The following CLPB variants were observed in gnomAD, a reference collection of about 807,000 sequenced individuals.
The protein encoded by CLPB is mitochondrial disaggregase.
Under a neutral mutation model 78.4 loss-of-function variants are expected in CLPB, and 40 were observed. The ratio of observed to expected loss-of-function variants is 0.51; its 90% CI spans 0.40 to 0.66. CLPB has a LOEUF of 0.66. CLPB is among the 30% of genes least tolerant of loss of function. The pLI is 0.00. For missense variants in CLPB, 780 were observed against 886.9 expected (o/e 0.88, Z 1.53); for synonymous variants, 333 against 348.0 (o/e 0.96, Z 0.48).
intron 7 of CLPB, among the ~76,000 whole-genome samples, chr11:72,316,186 G>A (rs1350590154): frequency 6.6e-6 from 1 of 152,210 alleles, no homozygotes; most frequent in African/African-American, 2.4e-5. Context: ...TTAAACTTCA[G>A]CTGAGTGTCA....
chr11:72,416,735 CAA>C (rs35655496), intron 2 of CLPB, among the ~76,000 whole-genome samples: 14 of 50,642 alleles, frequency 2.8e-4, no homozygotes, highest in African/African-American at 5.2e-4. Flanking sequence ...GACTCCGTCT[CAA>C]AAAAAAAAAA....
At chr11:72,306,843 G>A in intron 9 of CLPB, among the ~76,000 whole-genome samples, 1 of 152,184 alleles carries the variant, frequency 6.6e-6, no homozygotes, top group Non-Finnish European at 1.5e-5. Context: ...TGGAGCAGGG[G>A]GAGTGTCTTA....
intron 5 of CLPB, among the ~76,000 whole-genome samples, chr11:72,344,269 C>A (rs112355881): frequency 2.0e-5 from 3 of 152,098 alleles, no homozygotes; most frequent in Non-Finnish European, 4.4e-5. Context: ...AGTGCAGTGG[C>A]GCAATCTCAG....
rs139422764 is a variant in CLPB, at chr11:72,336,870, G to A, written c.776-7066C>T. Reference sequence around the variant, plus strand: ...AGCCATGCACCTTCCCTGTGTCCACGCTCAGCTCCACTCTGTCCCCACCTG... The same window carrying A: ...AGCCATGCACCTTCCCTGTGTCCACACTCAGCTCCACTCTGTCCCCACCTG... On this transcript the variant is annotated intron_variant, in intron 5 of 15. Coordinates refer to ENST00000538039, the MANE Select transcript of CLPB (RefSeq NM_001258392.3). 440 of 384,872 alleles carry A rather than the reference G, an allele frequency of 1.1e-3. 1 individual carries two copies. The highest frequency in any genetic ancestry group is 8.0e-3 in the African/African-American group (388 of 48,382). 23.8% of individuals were successfully genotyped at this position (384,872 alleles called of 1,614,324 possible). A position where few individuals can be genotyped will look rare whatever the true frequency, so the allele number is the denominator to read the frequency against.
At chr11:72,424,038 T>C (rs759332755) in intron 2 of CLPB, among the ~76,000 whole-genome samples, 19 of 152,250 alleles carry the variant, frequency 1.2e-4, no homozygotes, top group Non-Finnish European at 2.5e-4. Flanking sequence ...ATTTATGCTG[T>C]TTATAAACCA....
At chr11:72,380,412 T>G in intron 3 of CLPB, 28 bp from the exon 4 acceptor site, 6 of 1,594,806 alleles carry the variant, frequency 3.8e-6, no homozygotes, top group Non-Finnish European at 5.2e-6. Flanking sequence ...GACAGAAGTG[T>G]CAAAAGCAAG....
At chr11:72,422,985 T>C (rs1013577132) in intron 2 of CLPB, among the ~76,000 whole-genome samples, 1 of 152,140 alleles carries the variant, frequency 6.6e-6, no homozygotes, top group Non-Finnish European at 1.5e-5. Context: ...TAAATATGTT[T>C]ACCCCTCAAC....
chr11:72,430,222 T>C, intron 2 of CLPB, 90 bp downstream of exon 2: 1 of 1,262,582 alleles, frequency 7.9e-7, no homozygotes, highest in Non-Finnish European at 1.1e-6. Flanking sequence ...AGGGTAAGGA[T>C]TTCCTCCAAA....
intron 4 of CLPB, chr11:72,372,953 G>A (rs1806251860): frequency 1.2e-6 from 2 of 1,614,174 alleles, no homozygotes; most frequent in African/African-American, 1.3e-5. Flanking sequence ...GCCATCTCCT[G>A]AACTCCAGGG....
intron 11 of CLPB, among the ~76,000 whole-genome samples, chr11:72,299,683 G>A (rs1158189329): frequency 1.3e-5 from 2 of 152,172 alleles, no homozygotes; most frequent in Non-Finnish European, 2.9e-5. Context: ...CTGACTTTGT[G>A]GGCTCTGGGA....
At chr11:72,336,421 T>A (rs904085335) in intron 5 of CLPB, among the ~76,000 whole-genome samples, 9 of 152,146 alleles carry the variant, frequency 5.9e-5, no homozygotes, top group Non-Finnish European at 1.2e-4. Context: ...GGGGAGCCAG[T>A]GAGGGGCCGC....
At chr11:72,328,386 T>C (rs533410583) in intron 6 of CLPB, among the ~76,000 whole-genome samples, 1 of 152,366 alleles carries the variant, frequency 6.6e-6, no homozygotes, top group East Asian at 1.9e-4. Flanking sequence ...ATCTAGCTTA[T>C]CCTGACTGAT....
intron 4 of CLPB, among the ~76,000 whole-genome samples, chr11:72,376,673 GT>G (rs1222280573): frequency 6.6e-6 from 1 of 150,446 alleles, no homozygotes; most frequent in Admixed American, 6.6e-5. Context: ...ACAGTTGTTT[GT>G]TTTTGTTTTT....
chr11:72,306,976 A>G lies in CLPB; in HGVS notation c.1122+223T>C, dbSNP rs142266593. 4.6e-5 allele frequency among the ~76,000 whole-genome samples: 7 copies of G among 152,284 alleles called. No homozygotes were observed. The East Asian group carries it at 1.2e-3, about 25-fold the overall frequency. ...AGGCAGGGCAAGGATTATTATTCCT[A>G]TTTTACAGATGAAGAAACTGAGGCA... On this transcript the variant is annotated intron_variant, in intron 9 of 15. Transcript: ENST00000538039.
At chr11:72,364,039 T>C (rs983607041) in intron 4 of CLPB, among the ~76,000 whole-genome samples, 1 of 152,174 alleles carries the variant, frequency 6.6e-6, no homozygotes, top group Non-Finnish European at 1.5e-5. Context: ...ACAATGTGTG[T>C]GTATGTGAGG....
At chr11:72,396,883 G>A (rs999350827) in intron 3 of CLPB, among the ~76,000 whole-genome samples, 1 of 152,158 alleles carries the variant, frequency 6.6e-6, no homozygotes, top group African/African-American at 2.4e-5. Context: ...ATTAGAGAGG[G>A]ATGACAGCTT....
intron 6 of CLPB, among the ~76,000 whole-genome samples, chr11:72,322,351 G>A (rs1950059200): frequency 6.6e-6 from 1 of 152,226 alleles, no homozygotes; most frequent in Non-Finnish European, 1.5e-5. Flanking sequence ...AGAGAAGGTT[G>A]AGGGGCAAAG....
At chr11:72,429,513 T>C (rs938054803) in intron 2 of CLPB, among the ~76,000 whole-genome samples, 1 of 152,138 alleles carries the variant, frequency 6.6e-6, no homozygotes, top group Non-Finnish European at 1.5e-5. Flanking sequence ...CATGCAGACA[T>C]GATGGCAAGG....
At chr11:72,300,960 C>T (rs1949644904) in intron 11 of CLPB, among the ~76,000 whole-genome samples, 1 of 152,168 alleles carries the variant, frequency 6.6e-6, no homozygotes, top group Non-Finnish European at 1.5e-5. Context: ...AGAATTGGGG[C>T]TCTGGGATCA....
Sources: allele counts gnomAD v4.1 joint callset (sites outside exome capture counted in the v4.1 genomes callset), GRCh38; gene constraint gnomAD v4.1.1; transcripts MANE v1.5; gene names NCBI Gene and HGNC (gene_info 2026-07-23, HGNC 2026-07-21).